Variants in WWC2 observed in about 807,000 individuals in gnomAD.
WWC2 encodes the protein WW and C2 domain containing 2.
Under a neutral mutation model 138.5 loss-of-function variants are expected in WWC2, and 101 were observed. That is an observed-to-expected ratio of 0.73 (90% CI 0.62 to 0.86). The LOEUF (loss-of-function observed/expected upper bound fraction) is 0.86. Ranked by LOEUF, WWC2 falls within the 40% of genes least tolerant of loss-of-function variation. The pLI is 0.00. For missense variants in WWC2, 1,420 were observed against 1,419.4 expected (o/e 1.00, Z -0.01); for synonymous variants, 558 against 538.4 (o/e 1.04, Z -0.50).
chr4:183,142,127 G>C (rs1358980365), intron 1 of WWC2, among the ~76,000 whole-genome samples: 1 of 152,186 alleles, frequency 6.6e-6, no homozygotes, highest in African/African-American at 2.4e-5. Flanking sequence ...TTTGAGAAAA[G>C]AACATTTTCT....
chr4:183,256,899 C>CTG (rs1560870229), intron 9 of WWC2, among the ~76,000 whole-genome samples: 2 of 90,448 alleles, frequency 2.2e-5, no homozygotes, highest in Non-Finnish European at 4.7e-5. Flanking sequence ...CCCCCCCCCC[C>CTG]CCCCGGCTCT....
Position 183,099,642 on chromosome 4 carries a change from GC to G in WWC2, c.131+21del. On this transcript the variant is annotated intron_variant, in intron 1 of 22. Coordinates refer to ENST00000403733, the MANE Select transcript of WWC2 (RefSeq NM_024949.6). ...GGACAGGTGGGCGCCGGCCGCGGGG[GC>G]GCGGGCCCGTTCGGACACGGCGGCT... The G allele has an allele frequency of 7.7e-7, 1 of 1,297,566 alleles. No individual in the cohort carries two copies. The highest frequency in any genetic ancestry group is 9.9e-7 in the Non-Finnish European group (1 of 1,006,390). 80.4% of individuals were successfully genotyped at this position (1,297,566 alleles called of 1,614,324 possible).
At chr4:183,118,998 TG>T (rs1283053367) in intron 1 of WWC2, among the ~76,000 whole-genome samples, 1 of 152,182 alleles carries the variant, frequency 6.6e-6, no homozygotes, top group East Asian at 1.9e-4. Flanking sequence ...TTTGTCCTGA[TG>T]GTGTTTGTTT....
intron 4 of WWC2, among the ~76,000 whole-genome samples, chr4:183,239,658 T>C (rs1463902961): frequency 1.3e-5 from 2 of 152,168 alleles, no homozygotes; most frequent in Admixed American, 6.5e-5. Context: ...TACTCTGGTC[T>C]AAATAAAACA....
Position 183,261,273 on chromosome 4 carries a change from C to T in WWC2, c.1650C>T (p.Ser550=), listed in dbSNP as rs201169003. 1 of 1,613,502 alleles carries T rather than the reference C, an allele frequency of 6.2e-7. No individual in the cohort carries two copies. Among genetic ancestry groups the T allele is most frequent in the Non-Finnish European group, 8.5e-7 (1 of 1,179,710 alleles). ...PKSVASLSSR[S]SLSSLSPPGS... ...CTGTGGCCTCCCTGTCCTCGAGGTC[C>T]TCCCTTTCCTCCTTGTCTCCTCCAG... The change falls in exon 11 of 23, where the codon TCC becomes TCT. Residue 550 remains serine, a synonymous_variant. Coordinates refer to ENST00000403733, the MANE Select transcript of WWC2 (RefSeq NM_024949.6).
intron 1 of WWC2, among the ~76,000 whole-genome samples, chr4:183,145,572 G>A (rs962139368): frequency 1.3e-5 from 2 of 152,226 alleles, no homozygotes; most frequent in Non-Finnish European, 2.9e-5. Context: ...AGAGGGCAGA[G>A]CAGTCTTTCC....
At chr4:183,196,662 A>G (rs576551519) in intron 2 of WWC2, among the ~76,000 whole-genome samples, 1 of 152,070 alleles carries the variant, frequency 6.6e-6, no homozygotes, top group Non-Finnish European at 1.5e-5. Context: ...CTGGCACTGG[A>G]GGCCTTTAGG....
chr4:183,277,104 A>G (rs1378360298), intron 16 of WWC2, among the ~76,000 whole-genome samples: 4 of 149,576 alleles, frequency 2.7e-5, no homozygotes, highest in African/African-American at 4.9e-5. Flanking sequence ...AGCATTAGGT[A>G]TATCTCCCAA....
intron 4 of WWC2, among the ~76,000 whole-genome samples, chr4:183,227,195 A>G (rs559678884): frequency 6.6e-6 from 1 of 152,060 alleles, no homozygotes; most frequent in African/African-American, 2.4e-5. Flanking sequence ...ATAAAGGAGG[A>G]AAAAAAACAT....
At chr4:183,168,142 C>T (rs1734175336) in intron 1 of WWC2, among the ~76,000 whole-genome samples, 1 of 150,064 alleles carries the variant, frequency 6.7e-6, no homozygotes, top group African/African-American at 2.5e-5. Flanking sequence ...GCATGAGCCA[C>T]CACGCCCGGC....
intron 16 of WWC2, among the ~76,000 whole-genome samples, chr4:183,272,003 C>G (rs996275488): frequency 1.3e-5 from 2 of 151,986 alleles, no homozygotes; most frequent in African/African-American, 4.8e-5. Context: ...GAGACCCTGT[C>G]TCAAAAAAAT....
chr4:183,273,426 T>A (rs1003691798), intron 16 of WWC2, among the ~76,000 whole-genome samples: 1 of 152,126 alleles, frequency 6.6e-6, no homozygotes, highest in Non-Finnish European at 1.5e-5. Context: ...TGCCTCAGCC[T>A]CCCGAGTAGC....
Position 183,120,943 on chromosome 4 carries a change from C to T in WWC2, c.131+21321C>T, listed in dbSNP as rs568875267. Reference sequence around the variant, plus strand: ...CACATTTTAAAAAGTAACATTGTGGCCAGGAGGGGTTGCTTACGCCTTTGA... The same window carrying T: ...CACATTTTAAAAAGTAACATTGTGGTCAGGAGGGGTTGCTTACGCCTTTGA... On this transcript the variant is annotated intron_variant, in intron 1 of 22. Coordinates refer to ENST00000403733, the MANE Select transcript of WWC2 (RefSeq NM_024949.6). Among the ~76,000 whole-genome samples the T allele has an allele frequency of 9.1e-4, 138 of 152,200 alleles. 4 individuals are homozygous for T. Among genetic ancestry groups the T allele is most frequent in the Non-Finnish European group, 8.8e-5 (6 of 67,998 alleles).
intron 16 of WWC2, among the ~76,000 whole-genome samples, chr4:183,272,041 A>T (rs1258783310): frequency 1.4e-4 from 22 of 152,204 alleles, no homozygotes; most frequent in Admixed American, 1.4e-3. Flanking sequence ...CAGCAACCAT[A>T]CTTCAATGTA....
In WWC2 at chr4:183,285,953, T is replaced by C. The variant is rs759166432; in HGVS notation, c.3049-14T>C. 3.8e-6 allele frequency: 6 copies of C among 1,568,448 alleles called. No homozygotes were observed. The highest frequency in any genetic ancestry group is 5.2e-6 in the Non-Finnish European group (6 of 1,154,700). On this transcript the variant is annotated splice_polypyrimidine_tract_variant and intron_variant, in intron 19 of 22. Coordinates refer to ENST00000403733, the MANE Select transcript of WWC2 (RefSeq NM_024949.6). The stretch of plus-strand genomic sequence containing the variant: ...GATATGCAGTGATTTTTTTTTTAAA[T>C]CTTTTGTTGCCAGTTAAATCGGAGT...
intron 16 of WWC2, among the ~76,000 whole-genome samples, chr4:183,272,236 G>C (rs1737715438): frequency 6.6e-6 from 1 of 152,176 alleles, no homozygotes; most frequent in Non-Finnish European, 1.5e-5. Context: ...AACTATAGTA[G>C]ACACTGTAGT....
chr4:183,186,190 C>T (rs893446723), intron 1 of WWC2, among the ~76,000 whole-genome samples: 2 of 152,110 alleles, frequency 1.3e-5, no homozygotes, highest in African/African-American at 2.4e-5. Context: ...GTGATCCTCC[C>T]GCCTCAGCCT....
intron 1 of WWC2, among the ~76,000 whole-genome samples, chr4:183,103,219 G>T (rs1176082292): frequency 6.6e-6 from 1 of 151,452 alleles, no homozygotes; most frequent in Admixed American, 6.6e-5. Context: ...TGGGGAGGGT[G>T]AAAAGGGAGG....
intron 4 of WWC2, among the ~76,000 whole-genome samples, chr4:183,225,215 T>TA (rs1736037128): frequency 6.6e-6 from 1 of 152,208 alleles, no homozygotes; most frequent in Non-Finnish European, 1.5e-5. Context: ...GTTCTTATCT[T>TA]ACTGTATTTA....
Sources: gnomAD v4.1 joint callset for allele counts (sites outside exome capture counted in the v4.1 genomes callset) on GRCh38, gnomAD v4.1.1 for gene constraint, MANE v1.5 for transcripts, NCBI Gene and HGNC (gene_info 2026-07-23, HGNC 2026-07-21) for gene names.